Variants in AGBL3 observed in about 807,000 individuals in gnomAD.
AGBL3 encodes the protein cytosolic carboxypeptidase 3.
Under a neutral mutation model 94.5 loss-of-function variants are expected in AGBL3, and 68 were observed. The ratio of observed to expected loss-of-function variants is 0.72; its 90% CI spans 0.59 to 0.88. The LOEUF (loss-of-function observed/expected upper bound fraction) is 0.88, where lower values mean the gene tolerates loss of function less well. AGBL3 is among the 40% of genes least tolerant of loss of function. The pLI, the probability that AGBL3 is intolerant of heterozygous loss-of-function variation, is 0.00. For synonymous variants in AGBL3, 354 were observed against 370.7 expected (o/e 0.95, Z 0.52); for missense variants, 934 against 1,103.8 (o/e 0.85, Z 2.18).
In AGBL3 at chr7:135,044,017, CT is replaced by C; in HGVS notation, c.1501-4del. 1 of 1,546,808 alleles carries C rather than the reference CT, an allele frequency of 6.5e-7. No individual in the cohort carries two copies. ...CAACGAGTCTCATTTTTATTTGCTG[CT>C]TTTCAGTTTTCATTCTCAGCTTGCA... On this transcript the variant is annotated splice_polypyrimidine_tract_variant and splice_region_variant and intron_variant, in intron 8 of 16. Coordinates refer to ENST00000436302, the MANE Select transcript of AGBL3 (RefSeq NM_178563.4).
Position 135,134,833 on chromosome 7 carries a change from T to C in AGBL3, c.2343-8T>C, listed in dbSNP as rs1354836886. 6.5e-7 allele frequency: 1 copy of C among 1,546,904 alleles called. No individual in the cohort carries two copies. On this transcript the variant is annotated splice_polypyrimidine_tract_variant and splice_region_variant and intron_variant, in intron 16 of 16. Transcript: ENST00000436302. ...GACAAAAATTCACGTATTTCATTTCTTTTCTAGACTAAATCCGGCTACTTG... is the reference window on the plus strand; with the variant it reads ...GACAAAAATTCACGTATTTCATTTCCTTTCTAGACTAAATCCGGCTACTTG...
At chr7:135,110,609 C>T (rs897627787) in intron 15 of AGBL3, among the ~76,000 whole-genome samples, 4 of 152,112 alleles carry the variant, frequency 2.6e-5, no homozygotes, top group Admixed American at 1.3e-4. Context: ...GGCTCTGTGT[C>T]GCTCCTGGGT....
chr7:135,072,596 A>G (rs1400006504), intron 12 of AGBL3, among the ~76,000 whole-genome samples: 5 of 152,106 alleles, frequency 3.3e-5, no homozygotes, highest in Non-Finnish European at 5.9e-5. Flanking sequence ...AAAAAATGAT[A>G]AGTTCATGTC....
At chr7:135,010,022 C>CTTTTTT in intron 4 of AGBL3, 1 of 389,428 alleles carries the variant, frequency 2.6e-6, no homozygotes, top group Non-Finnish European at 4.9e-6. Context: ...GAGGATGACA[C>CTTTTTT]TTTTTTTTTT....
At chr7:134,988,452 G>GA (rs1484200371) in intron 2 of AGBL3, 15 of 152,620 alleles carry the variant, frequency 9.8e-5, no homozygotes, top group African/African-American at 3.4e-4. Flanking sequence ...GAAAAAGGGG[G>GA]AAAAACGTAG....
intron 8 of AGBL3, among the ~76,000 whole-genome samples, chr7:135,040,714 A>C (rs1431329320): frequency 3.3e-5 from 5 of 152,224 alleles, no homozygotes; most frequent in African/African-American, 1.2e-4. Context: ...GGTCAGGAAG[A>C]AGACAAGAAT....
chr7:135,068,051 G>C (rs1406472718), intron 12 of AGBL3, among the ~76,000 whole-genome samples: 2 of 152,336 alleles, frequency 1.3e-5, no homozygotes, highest in Admixed American at 6.5e-5. Context: ...AGGACCTGAT[G>C]GAGCTGAAAA....
At chr7:135,062,687 C>T (rs988824184) in intron 12 of AGBL3, among the ~76,000 whole-genome samples, 1 of 152,096 alleles carries the variant, frequency 6.6e-6, no homozygotes, top group African/African-American at 2.4e-5. Flanking sequence ...ATATGTTGAA[C>T]CATCCCTGTA....
chr7:135,034,819 G>A lies in AGBL3; in HGVS notation c.1228G>A (p.Val410Met). The A allele has an allele frequency of 1.3e-6, 2 of 1,552,196 alleles. No individual in the cohort carries two copies. Among genetic ancestry groups the A allele is most frequent in the South Asian group, 2.4e-5 (2 of 84,052 alleles). ...CATGCTCAATCCAGATGGTGTGATT[G>A]TGGGAAATTATCGCTGTTCCTTAGC... ...VPMLNPDGVI[V>M]GNYRCSLAGR... The change falls in exon 7 of 17, where the codon GTG (valine) becomes ATG (methionine). Residue 410 changes from valine to methionine, a missense_variant. This residue lies in a region of AGBL3 where 488 missense variants were observed against 563.6 expected (regional missense o/e 0.87). Coordinates refer to ENST00000436302, the MANE Select transcript of AGBL3 (RefSeq NM_178563.4).
rs182731393 is a variant in AGBL3, at chr7:134,989,233, T to C, written c.64-17T>C. On this transcript the variant is annotated splice_polypyrimidine_tract_variant and intron_variant, in intron 2 of 16. Coordinates refer to ENST00000436302, the MANE Select transcript of AGBL3 (RefSeq NM_178563.4). Reference sequence around the variant, plus strand: ...GTTGGTTTTTAAAAGAGAAATATTTTTAAATTCTTATTTTAGGATGAGGAT... The same window carrying C: ...GTTGGTTTTTAAAAGAGAAATATTTCTAAATTCTTATTTTAGGATGAGGAT... 4.6e-6 allele frequency: 7 copies of C among 1,519,408 alleles called. No individual in the cohort carries two copies. In the Admixed American group the frequency reaches 1.3e-4, roughly 29 times the overall value. The allele number at this position is 1,519,408 out of a possible 1,614,324, so 94.1% of individuals were successfully genotyped here. A position where few individuals can be genotyped will look rare whatever the true frequency, so the allele number is the denominator to read the frequency against.
At chr7:135,115,696 A>G (rs1826222418) in intron 16 of AGBL3, 85 bp downstream of exon 16, 1 of 1,143,908 alleles carries the variant, frequency 8.7e-7, no homozygotes, top group African/African-American at 1.6e-5. Flanking sequence ...TATCCTACGA[A>G]AAAAAAATCT....
chr7:135,078,998 T>G (rs1820700513), intron 13 of AGBL3, among the ~76,000 whole-genome samples: 1 of 152,230 alleles, frequency 6.6e-6, no homozygotes, highest in African/African-American at 2.4e-5. Context: ...TTAACTTTGT[T>G]TCCCACCAAG....
intron 5 of AGBL3, among the ~76,000 whole-genome samples, chr7:135,027,686 T>C (rs1815299395): frequency 6.6e-6 from 1 of 151,632 alleles, no homozygotes; most frequent in Non-Finnish European, 1.5e-5. Flanking sequence ...TTAAAGATAT[T>C]TTTCCATTGT....
intron 15 of AGBL3, among the ~76,000 whole-genome samples, chr7:135,106,010 A>G (rs1485024076): frequency 6.6e-6 from 1 of 151,894 alleles, no homozygotes; most frequent in East Asian, 1.9e-4. Flanking sequence ...TATGAATGGG[A>G]TTGTGTTCCT....
At chr7:135,129,040 G>T in intron 16 of AGBL3, 2 of 1,608,726 alleles carry the variant, frequency 1.2e-6, no homozygotes, top group Non-Finnish European at 1.7e-6. Context: ...ATCAGAGATG[G>T]CCAGGTTCAA....
intron 4 of AGBL3, among the ~76,000 whole-genome samples, chr7:134,998,868 A>G (rs1389595615): frequency 6.6e-6 from 1 of 152,194 alleles, no homozygotes; most frequent in Admixed American, 6.5e-5. Flanking sequence ...TGGAGAAATC[A>G]TTTTGTAGTT....
intron 12 of AGBL3, among the ~76,000 whole-genome samples, chr7:135,067,323 G>T (rs560885939): frequency 6.6e-6 from 1 of 152,368 alleles, no homozygotes; most frequent in Non-Finnish European, 1.5e-5. Flanking sequence ...GCAGGGCATA[G>T]CCAAACGAAA....
intron 8 of AGBL3, 112 bp downstream of exon 8, chr7:135,037,692 T>C (rs1249892608): frequency 1.2e-6 from 1 of 831,336 alleles, no homozygotes; most frequent in Admixed American, 3.7e-5. Flanking sequence ...TTTAGTTAGT[T>C]TGACCAGTTT....
chr7:134,997,131 A>C (rs1269158489), intron 4 of AGBL3, among the ~76,000 whole-genome samples: 1 of 152,194 alleles, frequency 6.6e-6, no homozygotes, highest in African/African-American at 2.4e-5. Flanking sequence ...ATCAGGCATT[A>C]GTTAGATTCT....
Sources: gnomAD v4.1 joint callset for allele counts (sites outside exome capture counted in the v4.1 genomes callset) on GRCh38, gnomAD v4.1.1 for gene constraint, gnomAD v4.1.1 regional missense constraint, MANE v1.5 for transcripts, NCBI Gene and HGNC (gene_info 2026-07-23, HGNC 2026-07-21) for gene names.